Variants in RIMKLB observed in about 807,000 individuals in gnomAD.
RIMKLB encodes ribosomal modification protein rimK like family member B, also known as beta-citrylglutamate synthase B.
A neutral mutation model predicts 32.0 loss-of-function variants in RIMKLB; 7 were observed. The ratio of observed to expected loss-of-function variants is 0.22; its 90% CI spans 0.12 to 0.41. RIMKLB has a LOEUF of 0.41. RIMKLB is among the 10% of genes least tolerant of loss of function. The pLI is 1.00. For synonymous variants in RIMKLB, 172 were observed against 185.1 expected (o/e 0.93, Z 0.57); for missense variants, 289 against 498.7 (o/e 0.58, Z 4.00).
At chr12:8,723,259 T>G (rs952990712) in intron 2 of RIMKLB, among the ~76,000 whole-genome samples, 1 of 152,222 alleles carries the variant, frequency 6.6e-6, no homozygotes, top group African/African-American at 2.4e-5. Context: ...ATTTCAATAT[T>G]GTTGTCACAG....
At chr12:8,696,642 G>A (rs1347370081), upstream of RIMKLB, among the ~76,000 whole-genome samples, 1 of 152,170 alleles carries the variant, frequency 6.6e-6, no homozygotes, top group Non-Finnish European at 1.5e-5. Flanking sequence ...GTTCACATAG[G>A]GAGTGGAACC....
intron 2 of RIMKLB, among the ~76,000 whole-genome samples, chr12:8,748,338 A>C (rs148985069): frequency 5.9e-5 from 9 of 152,226 alleles, no homozygotes; most frequent in African/African-American, 2.2e-4. Context: ...AATTGTTATA[A>C]TTGTCCAGTT....
chr12:8,693,393 C>T (rs1942787234), upstream of RIMKLB, among the ~76,000 whole-genome samples: 1 of 143,264 alleles, frequency 7.0e-6, no homozygotes, highest in African/African-American at 2.6e-5. Flanking sequence ...CTTTTTCTTT[C>T]TTTCTTTCTT....
chr12:8,775,230 G>A lies in RIMKLB; in HGVS notation c.*1446G>A, dbSNP rs1950663560. 2 of 985,530 alleles carry A rather than the reference G, an allele frequency of 2.0e-6. No homozygotes were observed. The highest frequency in any genetic ancestry group is 2.3e-4 in the East Asian group (2 of 8,808). The allele number at this position is 985,530 out of a possible 1,614,324, so 61.0% of individuals were successfully genotyped here. Reference sequence around the variant, plus strand: ...TAGGATTTGGGATTGGGGGTGGGTTGGATGTTTTTGTTTGGGGACTTATTT... The same window carrying A: ...TAGGATTTGGGATTGGGGGTGGGTTAGATGTTTTTGTTTGGGGACTTATTT... On this transcript the variant is annotated 3_prime_UTR_variant, in exon 6 of 6. Coordinates refer to ENST00000535829, the MANE Select transcript of RIMKLB (RefSeq NM_001297776.2).
intron 5 of RIMKLB, among the ~76,000 whole-genome samples, chr12:8,764,992 T>C (rs1949836886): frequency 6.6e-6 from 1 of 150,436 alleles, no homozygotes; most frequent in African/African-American, 2.5e-5. Context: ...ATTTCTATTA[T>C]AAAAAACCGA....
At chr12:8,730,237 C>T (rs1946412216) in intron 2 of RIMKLB, among the ~76,000 whole-genome samples, 1 of 152,190 alleles carries the variant, frequency 6.6e-6, no homozygotes, top group South Asian at 2.1e-4. Context: ...AGGCATGCAT[C>T]ACCACATCCG....
At chr12:8,675,795 CTT>C in the RIMKLB span, among the ~76,000 whole-genome samples, 122 of 132,808 alleles carry the variant, frequency 9.2e-4, no homozygotes, top group Middle Eastern at 3.7e-3. Flanking sequence ...TCTTGTTTTT[CTT>C]TTTTTTTTTT....
chr12:8,751,536 A>G (rs2908452), intron 3 of RIMKLB, among the ~76,000 whole-genome samples: 125,215 of 152,118 alleles, frequency 0.82, 51,848 homozygotes, highest in East Asian at 0.91. Flanking sequence ...TAAAAAGAGA[A>G]TGTGTCAGTG....
At chr12:8,764,954 G>A (rs1565417593) in intron 5 of RIMKLB, among the ~76,000 whole-genome samples, 3 of 149,262 alleles carry the variant, frequency 2.0e-5, no homozygotes, top group East Asian at 3.9e-4. Context: ...TTCTTATCTC[G>A]TTTGCCCCAT....
intron 5 of RIMKLB, among the ~76,000 whole-genome samples, chr12:8,759,045 G>A (rs1949309077): frequency 6.6e-6 from 1 of 152,046 alleles, no homozygotes; most frequent in Non-Finnish European, 1.5e-5. Flanking sequence ...TTATATACTG[G>A]TGCCTTTGTC....
the RIMKLB span, among the ~76,000 whole-genome samples, chr12:8,672,977 GT>G: frequency 6.6e-6 from 1 of 152,116 alleles, no homozygotes; most frequent in Non-Finnish European, 1.5e-5. Context: ...CACCTCCCGG[GT>G]TCAAGAGATT....
the RIMKLB span, among the ~76,000 whole-genome samples, chr12:8,672,335 G>T: frequency 6.6e-6 from 1 of 152,148 alleles, no homozygotes; most frequent in African/African-American, 2.4e-5. Flanking sequence ...CGTCTTTTCA[G>T]CAATACCCCA....
chr12:8,676,212 A>G, the RIMKLB span, among the ~76,000 whole-genome samples: 6 of 151,642 alleles, frequency 4.0e-5, no homozygotes, highest in Middle Eastern at 3.4e-3. Context: ...AGCTGGGACC[A>G]CAAGCGTATA....
At chr12:8,675,295 C>G in the RIMKLB span, among the ~76,000 whole-genome samples, 1 of 152,148 alleles carries the variant, frequency 6.6e-6, no homozygotes, top group African/African-American at 2.4e-5. Flanking sequence ...TTTGAAATGT[C>G]CCCTCCTCTT....
At chr12:8,756,091 T>C (rs1000825173) in intron 5 of RIMKLB, among the ~76,000 whole-genome samples, 1 of 151,118 alleles carries the variant, frequency 6.6e-6, no homozygotes. Flanking sequence ...GAGACAGAGG[T>C]TGCAGTGAGT....
chr12:8,772,708 CTCT>C (rs1359363369), intron 5 of RIMKLB, among the ~76,000 whole-genome samples: 5 of 152,222 alleles, frequency 3.3e-5, no homozygotes, highest in African/African-American at 7.2e-5. Context: ...TGGAACCAAG[CTCT>C]TCTTAAAGTT....
In RIMKLB at chr12:8,751,292, G is replaced by T. The variant is rs964041036; in HGVS notation, c.407-665G>T. Among the ~76,000 whole-genome samples the T allele has an allele frequency of 8.5e-5, 13 of 152,248 alleles. No homozygotes were observed. In the East Asian group the frequency reaches 9.6e-4, roughly 11 times the overall value. On this transcript the variant is annotated intron_variant, in intron 3 of 5. Transcript: ENST00000535829. ...AATTTTGCAACGCTACACATTTCTCGTATTTCACTTGTTTAATGGACTTTT... is the reference window on the plus strand; with the variant it reads ...AATTTTGCAACGCTACACATTTCTCTTATTTCACTTGTTTAATGGACTTTT...
At chr12:8,783,004 A>G (rs1238066457) in exon 8 of RIMKLB, 1 of 152,228 alleles carries the variant, frequency 6.6e-6, no homozygotes, top group African/African-American at 2.4e-5. Flanking sequence ...CAAGTGGAGA[A>G]TATGAATATA....
chr12:8,735,131 T>A (rs2137371099), intron 2 of RIMKLB, among the ~76,000 whole-genome samples: 1 of 152,356 alleles, frequency 6.6e-6, no homozygotes, highest in East Asian at 1.9e-4. Flanking sequence ...AAAATTTTGT[T>A]TTCCTTGGTC....
Sources: gnomAD v4.1 joint callset for allele counts (sites outside exome capture counted in the v4.1 genomes callset) on GRCh38, gnomAD v4.1.1 for gene constraint, MANE v1.5 for transcripts, NCBI Gene and HGNC (gene_info 2026-07-23, HGNC 2026-07-21) for gene names.